Variants in MAGI2 observed in about 807,000 individuals in gnomAD.
The protein encoded by MAGI2 is membrane-associated guanylate kinase, WW and PDZ domain-containing protein 2.
Under a neutral mutation model 133.3 loss-of-function variants are expected in MAGI2, and 35 were observed. The observed-to-expected ratio is 0.26, with a 90% CI of 0.20 to 0.35. The LOEUF (loss-of-function observed/expected upper bound fraction) is 0.35, where lower values mean the gene tolerates loss of function less well. MAGI2 is among the 10% of genes least tolerant of loss of function. The probability of loss-of-function intolerance (pLI) is 1.00; values close to 1 mark genes in which losing one functional copy is unlikely to be tolerated. For synonymous variants in MAGI2, 729 were observed against 710.6 expected (o/e 1.03, Z -0.41); for missense variants, 1,636 against 1,863.4 (o/e 0.88, Z 2.25).
chr7:78,669,136 G>GT (rs1253711876), intron 2 of MAGI2, among the ~76,000 whole-genome samples: 1 of 152,058 alleles, frequency 6.6e-6, no homozygotes, highest in Non-Finnish European at 1.5e-5. Context: ...CCAGGAGCTG[G>GT]TTTTTTGAAA....
chr7:78,501,484 CTTT>C (rs554529806), intron 5 of MAGI2, 90 bp downstream of exon 5: 428 of 832,936 alleles, frequency 5.1e-4, no homozygotes, highest in Admixed American at 9.1e-4. Flanking sequence ...ATGTTTTTTT[CTTT>C]TTTTTTTTTT....
At chr7:79,137,070 C>G (rs1821646459) in intron 1 of MAGI2, among the ~76,000 whole-genome samples, 1 of 152,032 alleles carries the variant, frequency 6.6e-6, no homozygotes. Flanking sequence ...TAACCTCTGC[C>G]TCCCAGGTTC....
At chr7:78,310,352 T>C (rs1316165682) in intron 9 of MAGI2, among the ~76,000 whole-genome samples, 1 of 152,146 alleles carries the variant, frequency 6.6e-6, no homozygotes, top group Non-Finnish European at 1.5e-5. Context: ...GGAGAATCAC[T>C]TGAACCCGGC....
intron 14 of MAGI2, among the ~76,000 whole-genome samples, chr7:78,174,225 T>A (rs1165178767): frequency 6.6e-6 from 1 of 152,146 alleles, no homozygotes; most frequent in African/African-American, 2.4e-5. Context: ...TAAACACCAT[T>A]AAATTACAGT....
intron 6 of MAGI2, among the ~76,000 whole-genome samples, chr7:78,407,679 C>T (rs1362734025): frequency 6.6e-6 from 1 of 150,546 alleles, no homozygotes; most frequent in African/African-American, 2.4e-5. Flanking sequence ...TAAATTCCAA[C>T]GTATTTACTC....
Position 79,393,352 on chromosome 7 carries a change from TA to T in MAGI2, c.301+59667del, listed in dbSNP as rs748892739. 1.4e-4 allele frequency among the ~76,000 whole-genome samples: 21 copies of T among 152,286 alleles called. No individual in the cohort carries two copies. The Middle Eastern group carries it at 0.01, about 74-fold the overall frequency. On this transcript the variant is annotated intron_variant, in intron 1 of 21. Transcript: ENST00000354212. ...AAACAAGCTTCTTATAAAGATGTTT[TA>T]AAATTTGATTTTTTATTTCTCTACT...
rs539391238 is a variant in MAGI2 at position 78,517,868 on chromosome 7, T to C, written c.754+3562A>G. Among the ~76,000 whole-genome samples, 9 of 152,288 alleles carry C rather than the reference T, an allele frequency of 5.9e-5. No homozygotes were observed. The South Asian group carries it at 1.9e-3, about 32-fold the overall frequency. ...TATTCACATGTCATGTGAATTTCGA[T>C]AACATTGATAATGTTAGCAGAACTT... On this transcript the variant is annotated intron_variant, in intron 4 of 21. Transcript: ENST00000354212.
At chr7:78,614,635 T>C (rs1270723110) in intron 3 of MAGI2, 1 of 152,224 alleles carries the variant, frequency 6.6e-6, no homozygotes, top group Non-Finnish European at 1.5e-5. Context: ...GTCAGGTTTG[T>C]TTGCATTTAT....
chr7:78,632,910 T>C (rs1407598998), intron 2 of MAGI2, among the ~76,000 whole-genome samples: 3 of 152,202 alleles, frequency 2.0e-5, no homozygotes, highest in Admixed American at 6.5e-5. Flanking sequence ...ACCAGAGTAA[T>C]ATAAATCATT....
intron 1 of MAGI2, among the ~76,000 whole-genome samples, chr7:79,267,022 C>T (rs891647449): frequency 1.3e-5 from 2 of 152,086 alleles, no homozygotes; most frequent in African/African-American, 2.4e-5. Context: ...ATCTTTGTTT[C>T]GAATTTCTTC....
intron 3 of MAGI2, among the ~76,000 whole-genome samples, chr7:78,608,486 T>C (rs946419306): frequency 1.4e-4 from 21 of 151,230 alleles, no homozygotes; most frequent in African/African-American, 4.4e-4. Flanking sequence ...TATATATATA[T>C]ACGTATATAT....
At chr7:79,404,417 C>G (rs570843395) in intron 1 of MAGI2, among the ~76,000 whole-genome samples, 1 of 152,074 alleles carries the variant, frequency 6.6e-6, no homozygotes, top group Non-Finnish European at 1.5e-5. Flanking sequence ...GTCACTGCAG[C>G]CTTGAACTCC....
chr7:78,514,031 T>C (rs1295922358), intron 4 of MAGI2, among the ~76,000 whole-genome samples: 1 of 130,672 alleles, frequency 7.7e-6, no homozygotes, highest in East Asian at 2.2e-4. Context: ...GAGGTTGAAG[T>C]GAGCTGAGAT....
intron 20 of MAGI2, among the ~76,000 whole-genome samples, chr7:78,099,973 C>T (rs978292080): frequency 6.6e-6 from 1 of 152,208 alleles, no homozygotes; most frequent in Admixed American, 6.5e-5. Context: ...CTGATTCTTA[C>T]ACTCTTCTTA....
At chr7:78,794,174 A>G (rs1010732248) in intron 2 of MAGI2, among the ~76,000 whole-genome samples, 11 of 152,174 alleles carry the variant, frequency 7.2e-5, no homozygotes, top group South Asian at 2.1e-4. Flanking sequence ...ACAACTGACT[A>G]AGAACTGGGA....
intron 1 of MAGI2, among the ~76,000 whole-genome samples, chr7:79,404,203 A>G (rs541978626): frequency 6.6e-6 from 1 of 152,260 alleles, no homozygotes; most frequent in African/African-American, 2.4e-5. Context: ...AGCCTCTTAT[A>G]TAGTCTTATT....
At chr7:79,295,316 G>C (rs1197082908) in intron 1 of MAGI2, among the ~76,000 whole-genome samples, 1 of 152,042 alleles carries the variant, frequency 6.6e-6, no homozygotes, top group Non-Finnish European at 1.5e-5. Flanking sequence ...TGAAGGAATA[G>C]ACAAAGATTG....
intron 1 of MAGI2, among the ~76,000 whole-genome samples, chr7:79,159,238 GTCA>G (rs1220079389): frequency 6.6e-6 from 1 of 152,030 alleles, no homozygotes; most frequent in African/African-American, 2.4e-5. Flanking sequence ...GTCTATGTAA[GTCA>G]TCATAAGGAA....
intron 2 of MAGI2, among the ~76,000 whole-genome samples, chr7:78,990,981 A>G (rs1201357313): frequency 2.0e-5 from 3 of 148,810 alleles, no homozygotes; most frequent in Non-Finnish European, 4.5e-5. Flanking sequence ...CCAAATCTCA[A>G]CTGGAATTGT....
Sources: gnomAD v4.1 joint callset for allele counts (sites outside exome capture counted in the v4.1 genomes callset) on GRCh38, gnomAD v4.1.1 for gene constraint, MANE v1.5 for transcripts, NCBI Gene and HGNC (gene_info 2026-07-23, HGNC 2026-07-21) for gene names.